The following SSX2IP variants were observed in gnomAD, a reference collection of about 807,000 sequenced individuals.
SSX2IP encodes afadin- and alpha-actinin-binding protein.
Under a neutral mutation model 84.9 loss-of-function variants are expected in SSX2IP, and 55 were observed. The observed-to-expected ratio is 0.65, with a 90% confidence interval of 0.52 to 0.81. The LOEUF (loss-of-function observed/expected upper bound fraction) is 0.81, where lower values mean the gene tolerates loss of function less well. Ranked by LOEUF, SSX2IP falls within the 30% of genes least tolerant of loss-of-function variation. The probability of loss-of-function intolerance (pLI) is 0.00; values close to 1 mark genes in which losing one functional copy is unlikely to be tolerated. For synonymous variants in SSX2IP, 239 were observed against 234.7 expected (o/e 1.02, Z -0.17); for missense variants, 664 against 705.2 (o/e 0.94, Z 0.66).
chr1:84,661,101 T>G (rs1651915646), intron 8 of SSX2IP, among the ~76,000 whole-genome samples: 1 of 151,130 alleles, frequency 6.6e-6, no homozygotes, highest in Admixed American at 6.6e-5. Context: ...TTAGGTAATT[T>G]TTTTTTTTAA....
intron 11 of SSX2IP, chr1:84,655,307 G>A: frequency 9.5e-7 from 1 of 1,050,254 alleles, no homozygotes; most frequent in African/African-American, 1.8e-5. Flanking sequence ...GAGTTTTGTT[G>A]ATTTTTTTTT....
rs866438501 is a variant in SSX2IP, at chr1:84,655,876, C to T, written c.1345G>A (p.Glu449Lys). The change falls in exon 11 of 14, where the codon GAG (glutamate) becomes AAG (lysine). Residue 449 changes from glutamate to lysine, a missense_variant. By Grantham distance (56) the Glu-to-Lys change is moderately conservative. Transcript: ENST00000342203. Reference protein sequence around the residue: ...FKEQKKNFERERRSFTEAAIR... With the variant: ...FKEQKKNFERKRRSFTEAAIR... ...GCGGCTTCTGTAAAGCTTCGTCTCT[C>T]CCTCTCAAAATTCTTTTTCTGCTCT... 6.2e-7 allele frequency: 1 copy of T among 1,613,954 alleles called. No individual in the cohort carries two copies. Among genetic ancestry groups the T allele is most frequent in the Non-Finnish European group, 8.5e-7 (1 of 1,179,890 alleles).
rs752582816 is a variant in SSX2IP, at chr1:84,684,335, C to G, written c.-90+6036G>C. Among the ~76,000 whole-genome samples the G allele has an allele frequency of 7.0e-4, 107 of 152,216 alleles. No individual in the cohort carries two copies. The Middle Eastern group carries it at 0.01, about 15-fold the overall frequency. On this transcript the variant is annotated intron_variant, in intron 1 of 13. Transcript: ENST00000342203. ...CTGCTGTGTTCTATAGAATGTGGTTCAGTATAAATTAGTATTCTATTTATA... is the reference window on the plus strand; with the variant it reads ...CTGCTGTGTTCTATAGAATGTGGTTGAGTATAAATTAGTATTCTATTTATA...
chr1:84,657,662 T>A (rs1324047599), intron 9 of SSX2IP, among the ~76,000 whole-genome samples: 1 of 152,186 alleles, frequency 6.6e-6, no homozygotes, highest in East Asian at 1.9e-4. Context: ...GGTGCACCCA[T>A]CACCCAAGCA....
intron 12 of SSX2IP, among the ~76,000 whole-genome samples, chr1:84,651,257 G>C (rs1213217930): frequency 6.6e-6 from 1 of 152,102 alleles, no homozygotes; most frequent in East Asian, 2.0e-4. Context: ...CGCTGAGGCT[G>C]CAGAGAGCCG....
upstream of SSX2IP, chr1:84,690,661 G>C (rs1656500935): frequency 6.6e-6 from 1 of 152,216 alleles, no homozygotes; most frequent in South Asian, 2.1e-4. Context: ...GGCCTCGGTA[G>C]TCTCCTCCTT....
At chr1:84,653,730 T>C (rs958754953) in intron 11 of SSX2IP, among the ~76,000 whole-genome samples, 1 of 152,178 alleles carries the variant, frequency 6.6e-6, no homozygotes, top group Non-Finnish European at 1.5e-5. Context: ...CTTTCATTCA[T>C]AAATATTGAT....
intron 11 of SSX2IP, chr1:84,655,429 T>G: frequency 7.8e-7 from 1 of 1,290,070 alleles, no homozygotes; most frequent in Non-Finnish European, 1.0e-6. Flanking sequence ...AATGATGGAC[T>G]GGGGAGAAGA....
In SSX2IP at chr1:84,644,285, G is replaced by C. The variant is rs1649229498; in HGVS notation, c.*3148C>G. 6.6e-6 allele frequency: 1 copy of C among 152,220 alleles called. No individual in the cohort carries two copies. The highest frequency in any genetic ancestry group is 2.1e-4 in the South Asian group (1 of 4,832). 9.4% of individuals were successfully genotyped at this position (152,220 alleles called of 1,614,324 possible). ...TCCATGTTTTATGAACAGACTGAAT[G>C]TGTCCGTAGCATCCACCATTGTTTA... is the stretch of plus-strand genomic sequence containing the variant. On this transcript the variant is annotated 3_prime_UTR_variant, in exon 14 of 14. Coordinates refer to ENST00000342203, the MANE Select transcript of SSX2IP (RefSeq NM_001166293.2).
Position 84,672,410 on chromosome 1 carries a change from TAA to T in SSX2IP, c.-89-1104_-89-1103del, listed in dbSNP as rs201868060. 3.4e-3 allele frequency among the ~76,000 whole-genome samples: 476 copies of T among 141,316 alleles called. 18 individuals carry two copies. The East Asian group carries it at 0.088, about 26-fold the overall frequency. 92.7% of individuals were successfully genotyped at this position (141,316 alleles called of 152,430 possible). A position where few individuals can be genotyped will look rare whatever the true frequency, so the allele number is the denominator to read the frequency against. ...CAATTTTAAAATGCTAGTAGCTAAT[TAA>T]AAAAAAAAAAAACTCTATGTATTAA... On this transcript the variant is annotated intron_variant, in intron 1 of 13. Coordinates refer to ENST00000342203, the MANE Select transcript of SSX2IP (RefSeq NM_001166293.2).
Position 84,655,965 on chromosome 1 carries a change from A to G in SSX2IP, c.1256T>C (p.Leu419Pro). 1 of 1,613,652 alleles carries G rather than the reference A, an allele frequency of 6.2e-7. No individual in the cohort carries two copies. Among genetic ancestry groups the G allele is most frequent in the Non-Finnish European group, 8.5e-7 (1 of 1,179,914 alleles). Residue 419 changes from leucine to proline, a missense_variant, in exon 11 of 14, where the codon CTA (leucine) becomes CCA (proline). Transcript: ENST00000342203. ...ATAYDDDTTSLLRDCYLLEEK... is the reference protein window; with the variant it reads ...ATAYDDDTTSPLRDCYLLEEK... ...TTCCAACAAATAACAGTCTCGTAAT[A>G]GTGAAGTGGTATCATCATCATATGC...
In SSX2IP at chr1:84,671,170, T is replaced by C; in HGVS notation, c.43+7A>G. 5.6e-6 allele frequency: 9 copies of C among 1,609,324 alleles called. No individual in the cohort carries two copies. The highest frequency in any genetic ancestry group is 7.6e-6 in the Non-Finnish European group (9 of 1,177,962). ...GCTTTTGTTTACAATTATTTAGACTTAATTACCTGAAGACAGACCTGGATC... is the reference window on the plus strand; with the variant it reads ...GCTTTTGTTTACAATTATTTAGACTCAATTACCTGAAGACAGACCTGGATC... On this transcript the variant is annotated splice_region_variant and intron_variant, in intron 2 of 13. Transcript: ENST00000342203.
intron 8 of SSX2IP, among the ~76,000 whole-genome samples, chr1:84,661,153 C>T (rs1651926048): frequency 1.3e-5 from 2 of 149,624 alleles, no homozygotes; most frequent in South Asian, 4.2e-4. Context: ...ATGGGCTTAT[C>T]AGCTGGACTG....
intron 11 of SSX2IP, chr1:84,655,523 C>T (rs17113387): frequency 0.091 from 121,650 of 1,339,602 alleles, 6,045 homozygotes; most frequent in African/African-American, 0.17. Flanking sequence ...ACCTACTGAC[C>T]GTGGATGAAT....
At chr1:84,681,206 C>T (rs1655035982) in intron 1 of SSX2IP, among the ~76,000 whole-genome samples, 1 of 152,106 alleles carries the variant, frequency 6.6e-6, no homozygotes, top group Admixed American at 6.5e-5. Flanking sequence ...AATCATACTT[C>T]TAGGCATATA....
intron 1 of SSX2IP, 71 bp downstream of exon 1, chr1:84,690,283 CGCGCCCGCCCCTTGCCG>C (rs1475823999): frequency 6.6e-6 from 1 of 151,674 alleles, no homozygotes; most frequent in Admixed American, 6.6e-5. Context: ...CACCTCCGCG[CGCGCCCGCCCCTTGCCG>C]GCGCCCACCC....
chr1:84,658,264 C>A, intron 9 of SSX2IP, 54 bp downstream of exon 9: 1 of 1,599,370 alleles, frequency 6.3e-7, no homozygotes, highest in Non-Finnish European at 8.5e-7. Flanking sequence ...GACTAAAAAT[C>A]AACACCTTAC....
Position 84,662,360 on chromosome 1 carries a change from C to T in SSX2IP, c.765G>A (p.Met255Ile), listed in dbSNP as rs1447745191. Residue 255 changes from methionine (M) to isoleucine (I), a missense_variant, in exon 8 of 14, where the codon ATG becomes ATA. Physicochemically the swap from Met to Ile is conservative, Grantham distance 10. Transcript: ENST00000342203. Reference sequence around the variant, plus strand: ...CATAATCATTCAAGAGAATTTTATACATTTCATCTTCATTCCTGAGAAAGA... The same window carrying T: ...CATAATCATTCAAGAGAATTTTATATATTTCATCTTCATTCCTGAGAAAGA... ...GKTEARNEDE[M>I]YKILLNDYEY... The T allele has an allele frequency of 1.9e-6, 3 of 1,606,818 alleles. No individual in the cohort carries two copies. Among genetic ancestry groups the T allele is most frequent in the Non-Finnish European group, 2.5e-6 (3 of 1,177,508 alleles).
chr1:84,676,805 C>T (rs1241498472), intron 1 of SSX2IP, among the ~76,000 whole-genome samples: 6 of 138,574 alleles, frequency 4.3e-5, no homozygotes, highest in Admixed American at 8.2e-5. Flanking sequence ...TCAATGCTAT[C>T]TCAGCCTCCC....
Sources: allele counts gnomAD v4.1 joint callset (sites outside exome capture counted in the v4.1 genomes callset), GRCh38; gene constraint gnomAD v4.1.1; transcripts MANE v1.5; gene names NCBI Gene and HGNC (gene_info 2026-07-23, HGNC 2026-07-21).